The following WDFY4 variants were observed in gnomAD, a reference collection of about 807,000 sequenced individuals.
WDFY4 encodes WDFY family member 4.
Under a neutral mutation model 351.9 loss-of-function variants are expected in WDFY4, and 169 were observed. That is an observed-to-expected ratio of 0.48 (90% CI 0.42 to 0.55). The LOEUF (loss-of-function observed/expected upper bound fraction) is 0.55. Among genes scored for constraint, WDFY4 ranks in the 20% least tolerant of loss-of-function variants. WDFY4 has a pLI of 0.00. For synonymous variants in WDFY4, 1,622 were observed against 1,574.6 expected (o/e 1.03, Z -0.71); for missense variants, 3,803 against 3,935.6 (o/e 0.97, Z 0.90).
intron 51 of WDFY4, among the ~76,000 whole-genome samples, chr10:48,949,888 G>C (rs1411832891): frequency 6.6e-6 from 1 of 152,148 alleles, no homozygotes; most frequent in Non-Finnish European, 1.5e-5. Flanking sequence ...TCCTTGGTGA[G>C]ATCAAGGAGG....
chr10:48,955,805 G>C (rs796655514), intron 51 of WDFY4, among the ~76,000 whole-genome samples: 7 of 152,340 alleles, frequency 4.6e-5, no homozygotes, highest in African/African-American at 1.7e-4. Flanking sequence ...AAATGCAGAG[G>C]GAGACCCTCA....
In WDFY4 at chr10:48,978,326, T is replaced by C. The variant is rs1183971654; in HGVS notation, c.9309T>C (p.Asp3103=). The change falls in exon 60 of 62, where the codon GAT becomes GAC. Residue 3103 remains aspartate (D), a synonymous_variant. Coordinates refer to ENST00000325239, the MANE Select transcript of WDFY4 (RefSeq NM_001394531.1). ...DGMVRVWKTE[D]VKMSVPGRPA... ...TGGGGCAGGTTTGGAAGACTGAGGA[T>C]GTGAAGATGTCTGTTCCTGGACGGC... 2 of 1,551,410 alleles carry C rather than the reference T, an allele frequency of 1.3e-6. No individual in the cohort carries two copies. The highest frequency in any genetic ancestry group is 1.7e-6 in the Non-Finnish European group (2 of 1,146,840).
chr10:48,823,195 T>G (rs192891988), intron 35 of WDFY4: 25 of 1,303,162 alleles, frequency 1.9e-5, no homozygotes, highest in Middle Eastern at 4.3e-4. Flanking sequence ...TCAGCCCCAT[T>G]ACAAGCTAGA....
chr10:48,696,334 C>A (rs2063329126), intron 1 of WDFY4, among the ~76,000 whole-genome samples: 1 of 152,188 alleles, frequency 6.6e-6, no homozygotes, highest in African/African-American at 2.4e-5. Context: ...CCTGAGTGGC[C>A]CACTCCTTGC....
intron 13 of WDFY4, among the ~76,000 whole-genome samples, chr10:48,769,240 T>C (rs34923764): frequency 0.21 from 31,674 of 151,978 alleles, 3,663 homozygotes; most frequent in Middle Eastern, 0.3. Flanking sequence ...TAAACCACGA[T>C]CATAAACTCC....
At chr10:48,767,798 A>G (rs1034678389) in intron 13 of WDFY4, among the ~76,000 whole-genome samples, 5 of 152,298 alleles carry the variant, frequency 3.3e-5, no homozygotes, top group African/African-American at 1.2e-4. Context: ...AATAGTCCCA[A>G]GTGAAGTGAG....
At chr10:48,962,318 GA>G (rs1440398409) in intron 53 of WDFY4, among the ~76,000 whole-genome samples, 1 of 152,168 alleles carries the variant, frequency 6.6e-6, no homozygotes, top group African/African-American at 2.4e-5. Flanking sequence ...ATAGACCTCA[GA>G]AAAGCCAACT....
At chr10:48,692,627 C>G (rs1008752741) in intron 1 of WDFY4, among the ~76,000 whole-genome samples, 1 of 152,080 alleles carries the variant, frequency 6.6e-6, no homozygotes, top group African/African-American at 2.4e-5. Context: ...TAAGGAGGAA[C>G]GGGATGGGAG....
intron 47 of WDFY4, among the ~76,000 whole-genome samples, chr10:48,920,296 C>T (rs1838942587): frequency 6.9e-6 from 1 of 143,916 alleles, no homozygotes; most frequent in Non-Finnish European, 1.5e-5. Context: ...TGTTCTCACT[C>T]ATAGGTGGGA....
At position 48,743,496 on chromosome 10, in the gene WDFY4, A is replaced by G; in HGVS notation, c.2407A>G (p.Thr803Ala). The G allele has an allele frequency of 6.5e-7, 1 of 1,542,624 alleles. No homozygotes were observed. The highest frequency in any genetic ancestry group is 1.2e-5 in the South Asian group (1 of 84,054). The change falls in exon 12 of 62, where the codon ACT (threonine) becomes GCT (alanine). Residue 803 changes from threonine (T) to alanine (A), a missense_variant. Thr to Ala is a moderately conservative substitution (Grantham distance 58). Transcript: ENST00000325239. ...GPVVDVQKGE[T>A]GSDPQRNFKQ... is the part of the protein sequence containing the mutation. Reference sequence around the variant, plus strand: ...GGTTGTGGATGTTCAGAAGGGAGAAACTGGCAGTGACCCCCAACGCAACTT... The same window carrying G: ...GGTTGTGGATGTTCAGAAGGGAGAAGCTGGCAGTGACCCCCAACGCAACTT...
In WDFY4 at chr10:48,826,768, A is replaced by G; in HGVS notation, c.6080A>G (p.Gln2027Arg). 1 of 1,551,984 alleles carries G rather than the reference A, an allele frequency of 6.4e-7. No individual in the cohort carries two copies. The highest frequency in any genetic ancestry group is 8.7e-7 in the Non-Finnish European group (1 of 1,147,054). ...CTTTATTGCCTATCCAAGCCCCAGC[A>G]GTCCCTCTCCGAATGCCTCGGCCTT... ...VILYCLSKPQ[Q>R]SLSECLGLLS... Residue 2027 changes from glutamine to arginine, a missense_variant, in exon 36 of 62, where the codon CAG becomes CGG. Coordinates refer to ENST00000325239, the MANE Select transcript of WDFY4 (RefSeq NM_001394531.1).
chr10:48,761,943 T>C (rs757127394), intron 13 of WDFY4, among the ~76,000 whole-genome samples: 3 of 152,232 alleles, frequency 2.0e-5, no homozygotes, highest in Non-Finnish European at 4.4e-5. Context: ...TGCACATGAC[T>C]CTCAAGGATG....
chr10:48,900,460 A>G (rs1209113996), intron 46 of WDFY4, among the ~76,000 whole-genome samples, 154 bp downstream of exon 46: 2 of 152,208 alleles, frequency 1.3e-5, no homozygotes, highest in African/African-American at 4.8e-5. Flanking sequence ...GGCCTGCAGA[A>G]CTGCCAAGTC....
chr10:48,893,982 T>A (rs1189990472), intron 44 of WDFY4, among the ~76,000 whole-genome samples: 2 of 152,196 alleles, frequency 1.3e-5, no homozygotes, highest in African/African-American at 4.8e-5. Flanking sequence ...CCCAGTACCC[T>A]TGACTGCCTG....
At position 48,890,739 on chromosome 10, in the gene WDFY4, A is replaced by G. The variant is rs2070660806; in HGVS notation, c.7316+12A>G. ...CACTGCTTATCCAAGTGAGTTATCC[A>G]CTTCTCCCAGCAGATTCTTCCCTGA... On this transcript the variant is annotated intron_variant, in intron 44 of 61. Transcript: ENST00000325239. 2 of 1,551,276 alleles carry G rather than the reference A, an allele frequency of 1.3e-6. No individual in the cohort carries two copies. The highest frequency in any genetic ancestry group is 1.7e-6 in the Non-Finnish European group (2 of 1,146,796).
chr10:48,913,976 A>G, intron 47 of WDFY4: 3 of 1,614,154 alleles, frequency 1.9e-6, no homozygotes, highest in Non-Finnish European at 2.5e-6. Flanking sequence ...TCCTGATAAG[A>G]TTCCGGCTAA....
intron 39 of WDFY4, among the ~76,000 whole-genome samples, chr10:48,847,256 C>G (rs1009426851): frequency 3.3e-5 from 5 of 152,138 alleles, no homozygotes; most frequent in Non-Finnish European, 5.9e-5. Context: ...TATAAGCACA[C>G]CAGTCACGTA....
At chr10:48,842,089 T>A (rs1267071101) in intron 39 of WDFY4, among the ~76,000 whole-genome samples, 1 of 151,998 alleles carries the variant, frequency 6.6e-6, no homozygotes, top group Non-Finnish European at 1.5e-5. Context: ...TTGGATGATT[T>A]TTCCAGGAAT....
intron 47 of WDFY4, chr10:48,914,283 G>A: frequency 1.0e-6 from 1 of 971,282 alleles, no homozygotes. Flanking sequence ...AGGGCACTGG[G>A]CTCCCCCACG....
Sources: gnomAD v4.1 joint callset for allele counts (sites outside exome capture counted in the v4.1 genomes callset) on GRCh38, gnomAD v4.1.1 for gene constraint, MANE v1.5 for transcripts, NCBI Gene and HGNC (gene_info 2026-07-23, HGNC 2026-07-21) for gene names.